Variants in FOXP1 observed in about 807,000 individuals in gnomAD.
FOXP1 encodes forkhead box protein P1.
In FOXP1, 15 loss-of-function variants were observed where a neutral mutation model predicts 98.2. The ratio of observed to expected loss-of-function variants is 0.15; its 90% CI spans 0.10 to 0.24. The LOEUF (loss-of-function observed/expected upper bound fraction) is 0.24, where lower values mean the gene tolerates loss of function less well. FOXP1 is among the 10% of genes least tolerant of loss of function. FOXP1 has a pLI of 1.00. For missense variants in FOXP1, 633 were observed against 848.5 expected (o/e 0.75, Z 3.15); for synonymous variants, 371 against 314.5 (o/e 1.18, Z -1.90).
intron 20 of FOXP1, among the ~76,000 whole-genome samples, chr3:70,960,452 C>A (rs189147138): frequency 1.1e-4 from 17 of 152,308 alleles, no homozygotes; most frequent in Non-Finnish European, 2.2e-4. Flanking sequence ...CACAAAACCG[C>A]TCGGATAACT....
chr3:71,525,868 C>T lies in FOXP1; in HGVS notation c.-297-32313G>A, dbSNP rs928464877. ...CAGTGGCTCACGCTTGTAATCCTAACACTTTGGGAGGCTGAGACAGGCAGA... is the reference window on the plus strand; with the variant it reads ...CAGTGGCTCACGCTTGTAATCCTAATACTTTGGGAGGCTGAGACAGGCAGA... On this transcript the variant is annotated intron_variant, in intron 2 of 20. Coordinates refer to ENST00000649528, the MANE Select transcript of FOXP1 (RefSeq NM_001349338.3). 2.6e-5 allele frequency among the ~76,000 whole-genome samples: 4 copies of T among 151,954 alleles called. No individual in the cohort carries two copies. In the East Asian group the frequency reaches 7.7e-4, roughly 29 times the overall value.
intron 4 of FOXP1, among the ~76,000 whole-genome samples, chr3:71,344,817 A>G (rs939675005): frequency 1.3e-5 from 2 of 148,330 alleles, no homozygotes; most frequent in Admixed American, 1.4e-4. Flanking sequence ...TGGGGGAAAG[A>G]GCGAGAGTCC....
intron 3 of FOXP1, among the ~76,000 whole-genome samples, chr3:71,418,804 T>C (rs1158459925): frequency 6.6e-6 from 1 of 151,988 alleles, no homozygotes; most frequent in Non-Finnish European, 1.5e-5. Flanking sequence ...AATCACAATA[T>C]CACTGTCACT....
chr3:71,482,009 G>A (rs1409452819), intron 3 of FOXP1, among the ~76,000 whole-genome samples: 1 of 152,102 alleles, frequency 6.6e-6, no homozygotes, highest in Non-Finnish European at 1.5e-5. Flanking sequence ...AGAGAGGAGG[G>A]AGGATTTGCA....
intron 12 of FOXP1, among the ~76,000 whole-genome samples, chr3:71,005,094 TATAA>T (rs1391751314): frequency 1.3e-5 from 2 of 151,990 alleles, no homozygotes; most frequent in African/African-American, 2.4e-5. Context: ...AACAGGCTAC[TATAA>T]ATATAGATTG....
intron 7 of FOXP1, among the ~76,000 whole-genome samples, chr3:71,055,146 C>T (rs9847538): frequency 6.6e-6 from 1 of 152,100 alleles, no homozygotes; most frequent in African/African-American, 2.4e-5. Context: ...ATTTGCATAG[C>T]GAGCTCTCAT....
At chr3:71,225,209 C>T (rs1447250665) in intron 5 of FOXP1, among the ~76,000 whole-genome samples, 1 of 152,232 alleles carries the variant, frequency 6.6e-6, no homozygotes, top group Non-Finnish European at 1.5e-5. Flanking sequence ...TATTCCAACA[C>T]ATTTGCGGCA....
intron 2 of FOXP1, chr3:71,542,030 A>G (rs754425338): frequency 3.2e-5 from 17 of 533,900 alleles, no homozygotes; most frequent in Non-Finnish European, 5.8e-5. Context: ...TCCAATATAT[A>G]AAATTTAAGA....
At chr3:71,055,377 AG>A (rs1337682243) in intron 7 of FOXP1, among the ~76,000 whole-genome samples, 1 of 152,232 alleles carries the variant, frequency 6.6e-6, no homozygotes, top group Non-Finnish European at 1.5e-5. Context: ...CAGCTCTGGA[AG>A]GTCATCCATG....
chr3:71,145,045 G>A (rs948127551), intron 6 of FOXP1, among the ~76,000 whole-genome samples: 1 of 152,114 alleles, frequency 6.6e-6, no homozygotes. Context: ...TCCATTGTAC[G>A]GAGGTGCCAC....
At chr3:71,198,414 TG>T (rs747291362) in intron 5 of FOXP1, 22 bp from the exon 6 acceptor site, 3 of 154,638 alleles carry the variant, frequency 1.9e-5, no homozygotes, top group Non-Finnish European at 4.0e-5. Context: ...ATTTCCAAGA[TG>T]GGGGGAGGGA....
intron 3 of FOXP1, among the ~76,000 whole-genome samples, chr3:71,370,048 T>C (rs2079187570): frequency 6.6e-6 from 1 of 152,134 alleles, no homozygotes; most frequent in Admixed American, 6.6e-5. Context: ...GTTAGCCAGG[T>C]AGAGAGCACT....
chr3:71,165,188 G>A (rs1007893958), intron 6 of FOXP1, among the ~76,000 whole-genome samples: 4 of 140,584 alleles, frequency 2.8e-5, no homozygotes, highest in Non-Finnish European at 6.1e-5. Flanking sequence ...CTGAAAAGAA[G>A]ATGATTTTAT....
chr3:71,317,891 G>C (rs1211321513), intron 4 of FOXP1, among the ~76,000 whole-genome samples: 2 of 151,476 alleles, frequency 1.3e-5, no homozygotes, highest in Non-Finnish European at 3.0e-5. Context: ...AAAATGATAT[G>C]AGCAAGAACA....
intron 6 of FOXP1, among the ~76,000 whole-genome samples, chr3:71,115,027 T>C (rs17653411): frequency 0.29 from 44,361 of 152,112 alleles, 8,257 homozygotes; most frequent in Middle Eastern, 0.45. Context: ...GTTTTATGGC[T>C]TTTTAATGTA....
At chr3:71,239,337 A>G (rs2067057266) in intron 5 of FOXP1, among the ~76,000 whole-genome samples, 1 of 152,090 alleles carries the variant, frequency 6.6e-6, no homozygotes, top group Non-Finnish European at 1.5e-5. Context: ...AGGTCAGGAG[A>G]TCGAGAACCA....
At chr3:70,979,316 A>AAAAAAAAAAAAAAAAAAAAAAAAAG (rs1553670621) in intron 14 of FOXP1, among the ~76,000 whole-genome samples, 1 of 96,508 alleles carries the variant, frequency 1.0e-5, no homozygotes, top group Non-Finnish European at 2.0e-5. Flanking sequence ...AAAAAAAAAA[A>AAAAAAAAAAAAAAAAAAAAAAAAAG]AAAAGAAAAA....
intron 6 of FOXP1, among the ~76,000 whole-genome samples, chr3:71,166,290 G>T (rs1323695531): frequency 6.6e-6 from 1 of 152,146 alleles, no homozygotes; most frequent in African/African-American, 2.4e-5. Context: ...CAAGTGGGGG[G>T]TGACAAGAGC....
chr3:71,220,009 C>A (rs1432621276), intron 5 of FOXP1, among the ~76,000 whole-genome samples: 3 of 152,200 alleles, frequency 2.0e-5, no homozygotes, highest in Non-Finnish European at 4.4e-5. Context: ...GGGGCTGATT[C>A]CTACTGAACC....
Sources: allele counts gnomAD v4.1 joint callset (sites outside exome capture counted in the v4.1 genomes callset), GRCh38; gene constraint gnomAD v4.1.1; transcripts MANE v1.5; gene names NCBI Gene and HGNC (gene_info 2026-07-23, HGNC 2026-07-21).